CADPS2: variants seen among roughly 807,000 people sequenced by gnomAD.
CADPS2 encodes the protein calcium-dependent secretion activator 2.
Under a neutral mutation model 172.5 loss-of-function variants are expected in CADPS2, and 93 were observed. The observed-to-expected ratio is 0.54, with a 90% CI of 0.46 to 0.64. The LOEUF is 0.64. CADPS2 is among the 30% of genes least tolerant of loss of function. The pLI is 0.00. For missense variants in CADPS2, 1,420 were observed against 1,565.9 expected (o/e 0.91, Z 1.57); for synonymous variants, 546 against 555.2 (o/e 0.98, Z 0.23).
intron 6 of CADPS2, among the ~76,000 whole-genome samples, chr7:122,608,525 T>C (rs2073885876): frequency 6.6e-6 from 1 of 152,170 alleles, no homozygotes; most frequent in Admixed American, 6.5e-5. Context: ...AATTTAAAGT[T>C]TCCAGAAGTT....
At chr7:122,629,617 T>C (rs1253402988) in intron 3 of CADPS2, among the ~76,000 whole-genome samples, 1 of 152,164 alleles carries the variant, frequency 6.6e-6, no homozygotes, top group East Asian at 1.9e-4. Flanking sequence ...TCCAGAAAGA[T>C]GAAGCTCTTG....
At chr7:122,726,127 T>C (rs529709346) in intron 2 of CADPS2, among the ~76,000 whole-genome samples, 4 of 151,818 alleles carry the variant, frequency 2.6e-5, no homozygotes, top group East Asian at 3.9e-4. Context: ...TTCCCAATGA[T>C]CTTATGAAAA....
At chr7:122,670,877 A>AG (rs1237293910) in intron 2 of CADPS2, among the ~76,000 whole-genome samples, 3 of 151,712 alleles carry the variant, frequency 2.0e-5, no homozygotes, top group African/African-American at 4.8e-5. Flanking sequence ...TTCAAAAAAA[A>AG]AAAAAAAAAG....
intron 7 of CADPS2, 31 bp from the exon 8 acceptor site, chr7:122,554,720 G>T: frequency 1.9e-6 from 3 of 1,555,666 alleles, no homozygotes; most frequent in Non-Finnish European, 1.7e-6. Context: ...ACATTTAAAC[G>T]CATGATACGG....
At chr7:122,368,955 G>A (rs2151233666) in intron 25 of CADPS2, among the ~76,000 whole-genome samples, 1 of 152,174 alleles carries the variant, frequency 6.6e-6, no homozygotes, top group East Asian at 1.9e-4. Flanking sequence ...AAGAAAATGG[G>A]ACTAGAATCC....
intron 1 of CADPS2, among the ~76,000 whole-genome samples, chr7:122,869,845 G>C (rs1361660831): frequency 6.6e-6 from 1 of 152,054 alleles, no homozygotes; most frequent in Non-Finnish European, 1.5e-5. Flanking sequence ...AAGAGTAAAA[G>C]TATAGAGTTT....
rs751484532 is a variant in CADPS2, at chr7:122,438,401, A to T, written c.2416T>A (p.Cys806Ser). Residue 806 changes from cysteine to serine, a missense_variant, in exon 17 of 30, where the codon TGT (cysteine) becomes AGT (serine). Transcript: ENST00000449022. Reference protein sequence around the residue: ...AEEVKKVVRKCLEKAALINYT... With the variant: ...AEEVKKVVRKSLEKAALINYT... ...TTGATCAAGGCAGCTTTCTCGAGAC[A>T]TTTTCTGACCACTTTCTTCACCTCT... The T allele has an allele frequency of 1.4e-5, 23 of 1,613,022 alleles. No homozygotes were observed. The South Asian group carries it at 2.5e-4, about 18-fold the overall frequency.
At chr7:122,721,538 C>T (rs187664043) in intron 2 of CADPS2, among the ~76,000 whole-genome samples, 1 of 152,114 alleles carries the variant, frequency 6.6e-6, no homozygotes, top group Non-Finnish European at 1.5e-5. Flanking sequence ...GAAATTGAGG[C>T]AATAATTAAT....
intron 2 of CADPS2, among the ~76,000 whole-genome samples, chr7:122,666,679 C>T (rs1013595398): frequency 2.0e-5 from 3 of 152,158 alleles, no homozygotes; most frequent in Non-Finnish European, 2.9e-5. Flanking sequence ...TAGAGGCTGC[C>T]GGAGGACGTA....
intron 7 of CADPS2, 120 bp downstream of exon 7, chr7:122,581,059 A>T (rs1037435910): frequency 1.5e-6 from 1 of 682,234 alleles, no homozygotes; most frequent in Non-Finnish European, 2.5e-6. Flanking sequence ...GGAAATAACA[A>T]ATTATTTTAT....
At chr7:122,549,730 T>A (rs1234744543) in intron 8 of CADPS2, among the ~76,000 whole-genome samples, 1 of 151,456 alleles carries the variant, frequency 6.6e-6, no homozygotes, top group Non-Finnish European at 1.5e-5. Flanking sequence ...AAGTTCAACC[T>A]GGGAATGCAA....
rs111509412 is a variant in CADPS2, at chr7:122,617,361, G to C, written c.1105-2062C>G. On this transcript the variant is annotated intron_variant, in intron 5 of 29. Coordinates refer to ENST00000449022, the MANE Select transcript of CADPS2 (RefSeq NM_017954.11). ...AAAACATAGGTGGCCTTAATAATTA[G>C]TGATAAAGACAGCCAAGAATTCCAT... Among the ~76,000 whole-genome samples, 506 of 152,282 alleles carry C rather than the reference G, an allele frequency of 3.3e-3. 4 individuals are homozygous for C. Among genetic ancestry groups the C allele is most frequent in the African/African-American group, 0.012 (486 of 41,554 alleles).
chr7:122,627,892 T>C (rs2076231213), intron 4 of CADPS2, among the ~76,000 whole-genome samples: 1 of 152,166 alleles, frequency 6.6e-6, no homozygotes, highest in Non-Finnish European at 1.5e-5. Context: ...AAGGTTTCAA[T>C]AGCCTCAAGT....
At chr7:122,860,069 T>C (rs1017626276) in intron 1 of CADPS2, among the ~76,000 whole-genome samples, 2 of 152,032 alleles carry the variant, frequency 1.3e-5, no homozygotes, top group Non-Finnish European at 2.9e-5. Flanking sequence ...AGTGCACTAA[T>C]AAAAACTGTA....
At chr7:122,438,565 A>G in intron 16 of CADPS2, 101 bp from the exon 17 acceptor site, 1 of 1,321,828 alleles carries the variant, frequency 7.6e-7, no homozygotes, top group Non-Finnish European at 1.1e-6. Flanking sequence ...AAGACAAATT[A>G]CACAAATTGT....
At chr7:122,851,303 T>A (rs1199471386) in intron 1 of CADPS2, among the ~76,000 whole-genome samples, 1 of 152,032 alleles carries the variant, frequency 6.6e-6, no homozygotes, top group Non-Finnish European at 1.5e-5. Context: ...GTCCTTGAGC[T>A]TAAAGTCACT....
At chr7:122,639,785 T>G (rs184729850) in intron 3 of CADPS2, among the ~76,000 whole-genome samples, 1 of 152,282 alleles carries the variant, frequency 6.6e-6, no homozygotes, top group East Asian at 1.9e-4. Flanking sequence ...GGAGATGTGG[T>G]CCCTTGAGCG....
intron 1 of CADPS2, among the ~76,000 whole-genome samples, chr7:122,769,252 C>A (rs969401534): frequency 3.3e-5 from 5 of 152,180 alleles, no homozygotes; most frequent in Admixed American, 1.3e-4. Flanking sequence ...AAATTAGAGT[C>A]AAATCTCACC....
chr7:122,699,726 TAAAG>T (rs2085724579), intron 2 of CADPS2, among the ~76,000 whole-genome samples: 1 of 152,100 alleles, frequency 6.6e-6, no homozygotes, highest in Non-Finnish European at 1.5e-5. Context: ...CTGACAGGAG[TAAAG>T]AAAGGACTGA....
Sources: gnomAD v4.1 joint callset for allele counts (sites outside exome capture counted in the v4.1 genomes callset) on GRCh38, gnomAD v4.1.1 for gene constraint, MANE v1.5 for transcripts, NCBI Gene and HGNC (gene_info 2026-07-23, HGNC 2026-07-21) for gene names.